The following ZFAND3 variants were observed in gnomAD, a reference collection of about 807,000 sequenced individuals.
ZFAND3 encodes AN1-type zinc finger protein 3.
ZFAND3 carries 10 observed loss-of-function variants against 29.6 expected under a neutral mutation model. That is an observed-to-expected ratio of 0.34 (90% CI 0.21 to 0.57). The LOEUF is 0.57. ZFAND3 is among the 20% of genes least tolerant of loss of function. ZFAND3 has a pLI of 0.86. For synonymous variants in ZFAND3, 128 were observed against 112.6 expected, an observed-to-expected ratio of 1.14 and a Z score of -0.87; for missense variants, 230 against 304.5, an observed-to-expected ratio of 0.76 and a Z score of 1.82.
At chr6:37,955,557 C>A (rs867930541) in intron 2 of ZFAND3, among the ~76,000 whole-genome samples, 3 of 152,156 alleles carry the variant, frequency 2.0e-5, no homozygotes, top group Non-Finnish European at 4.4e-5. Flanking sequence ...AGGAAGAGAA[C>A]GGTGGGTACA....
At chr6:37,891,002 C>CA (rs1382766953) in intron 1 of ZFAND3, among the ~76,000 whole-genome samples, 2 of 152,164 alleles carry the variant, frequency 1.3e-5, no homozygotes, top group Non-Finnish European at 2.9e-5. Flanking sequence ...TCAAAATAGT[C>CA]AAAGCGTTAT....
chr6:37,950,255 TC>T (rs35397179), intron 2 of ZFAND3, among the ~76,000 whole-genome samples: 58,407 of 152,000 alleles, frequency 0.38, 11,981 homozygotes, highest in Non-Finnish European at 0.47. Context: ...AAGTCTTTAA[TC>T]CATCTTGAGT....
intron 5 of ZFAND3, among the ~76,000 whole-genome samples, chr6:38,130,312 T>C (rs1394623457): frequency 6.6e-6 from 1 of 152,194 alleles, no homozygotes; most frequent in Non-Finnish European, 1.5e-5. Context: ...TTTCTTTCTC[T>C]TGTCTGATTG....
At chr6:37,988,944 A>T (rs1247348432) in intron 2 of ZFAND3, among the ~76,000 whole-genome samples, 2 of 151,720 alleles carry the variant, frequency 1.3e-5, no homozygotes, top group African/African-American at 4.9e-5. Context: ...TTGCTCTGTC[A>T]CCCAGGCTGG....
chr6:38,045,640 C>T (rs1212440712), intron 2 of ZFAND3, among the ~76,000 whole-genome samples: 2 of 151,892 alleles, frequency 1.3e-5, no homozygotes, highest in African/African-American at 4.8e-5. Context: ...ATGAAATCTC[C>T]CACATAAAAT....
intron 2 of ZFAND3, among the ~76,000 whole-genome samples, chr6:37,947,942 G>C (rs1761930962): frequency 6.6e-6 from 1 of 151,680 alleles, no homozygotes; most frequent in African/African-American, 2.4e-5. Flanking sequence ...AGATCTTTCT[G>C]TTACTTCTAT....
intron 1 of ZFAND3, among the ~76,000 whole-genome samples, chr6:37,832,330 G>A (rs1763877824): frequency 6.6e-6 from 1 of 152,182 alleles, no homozygotes; most frequent in African/African-American, 2.4e-5. Context: ...CAGGATGGAA[G>A]ATGATGTCAG....
chr6:37,954,272 A>G (rs1422817566), intron 2 of ZFAND3, among the ~76,000 whole-genome samples: 1 of 152,154 alleles, frequency 6.6e-6, no homozygotes, highest in Non-Finnish European at 1.5e-5. Flanking sequence ...CATTAAATAG[A>G]AAACCTTTTT....
chr6:37,940,102 A>G (rs1761785749), intron 2 of ZFAND3, among the ~76,000 whole-genome samples: 1 of 152,108 alleles, frequency 6.6e-6, no homozygotes, highest in Admixed American at 6.5e-5. Flanking sequence ...TCATATCCTC[A>G]GTAGACTAAT....
Position 38,116,944 on chromosome 6 carries a change from A to G in ZFAND3, c.529+205A>G, listed in dbSNP as rs138311887. 3.3e-5 allele frequency among the ~76,000 whole-genome samples: 5 copies of G among 152,284 alleles called. No individual in the cohort carries two copies. In the East Asian group the frequency reaches 7.7e-4, roughly 24 times the overall value. On this transcript the variant is annotated intron_variant, in intron 5 of 5. Coordinates refer to ENST00000287218, the MANE Select transcript of ZFAND3 (RefSeq NM_021943.3). Reference sequence around the variant, plus strand: ...AACACCCTTTATTCTCACACATGCAAAAAAGACAAAAACATCCCCATGTTC... The same window carrying G: ...AACACCCTTTATTCTCACACATGCAGAAAAGACAAAAACATCCCCATGTTC...
intron 1 of ZFAND3, among the ~76,000 whole-genome samples, chr6:37,925,086 A>T (rs548760976): frequency 8.0e-4 from 121 of 152,012 alleles, no homozygotes; most frequent in African/African-American, 1.9e-3. Context: ...TTTTTTTTTT[A>T]AAAACTTTCT....
At chr6:38,060,524 C>G (rs1177758199) in intron 2 of ZFAND3, among the ~76,000 whole-genome samples, 1 of 151,118 alleles carries the variant, frequency 6.6e-6, no homozygotes, top group Admixed American at 6.6e-5. Flanking sequence ...CTGCCCTTTC[C>G]CCTTCCCTTT....
At chr6:37,984,162 G>T (rs1164591109) in intron 2 of ZFAND3, among the ~76,000 whole-genome samples, 1 of 152,146 alleles carries the variant, frequency 6.6e-6, no homozygotes, top group Non-Finnish European at 1.5e-5. Context: ...TCCATAATGT[G>T]TCTTATATTT....
chr6:38,077,105 G>C (rs961213532), intron 3 of ZFAND3, among the ~76,000 whole-genome samples: 1 of 148,654 alleles, frequency 6.7e-6, no homozygotes, highest in Non-Finnish European at 1.5e-5. Flanking sequence ...ATTTTTTGAG[G>C]TTTATTTTGT....
In ZFAND3 at chr6:37,989,376, T is replaced by C. The variant is rs188121057; in HGVS notation, c.112+59377T>C. 3.1e-3 allele frequency among the ~76,000 whole-genome samples: 469 copies of C among 152,316 alleles called. 2 individuals are homozygous for C. Among genetic ancestry groups the C allele is most frequent in the African/African-American group, 0.011 (446 of 41,560 alleles). ...GGGAAGTCCAAGATTACATGCTGGC[T>C]ATTGTTGGGTTCCTGGTGAAGACCC... is the stretch of plus-strand genomic sequence containing the variant. On this transcript the variant is annotated intron_variant, in intron 2 of 5. Coordinates refer to ENST00000287218, the MANE Select transcript of ZFAND3 (RefSeq NM_021943.3).
chr6:38,004,144 T>C (rs1419515417), intron 2 of ZFAND3, among the ~76,000 whole-genome samples: 1 of 151,942 alleles, frequency 6.6e-6, no homozygotes, highest in Non-Finnish European at 1.5e-5. Flanking sequence ...TGACATGGGG[T>C]TTAGTGTAGA....
intron 3 of ZFAND3, among the ~76,000 whole-genome samples, chr6:38,081,789 G>A (rs1292251838): frequency 6.6e-6 from 1 of 151,562 alleles, no homozygotes; most frequent in African/African-American, 2.4e-5. Flanking sequence ...TCAGATCTCT[G>A]GGCCCACCAA....
At chr6:38,001,221 G>A (rs547202313) in intron 2 of ZFAND3, among the ~76,000 whole-genome samples, 3 of 152,272 alleles carry the variant, frequency 2.0e-5, no homozygotes, top group Non-Finnish European at 2.9e-5. Context: ...CTCTTGACCT[G>A]GAGTAGGACA....
At chr6:38,081,503 C>G (rs1178479611) in intron 3 of ZFAND3, among the ~76,000 whole-genome samples, 2 of 152,128 alleles carry the variant, frequency 1.3e-5, no homozygotes, top group Non-Finnish European at 2.9e-5. Flanking sequence ...AGGAGATACA[C>G]AACTCTGCCA....
Sources: allele counts gnomAD v4.1 joint callset (sites outside exome capture counted in the v4.1 genomes callset), GRCh38; gene constraint gnomAD v4.1.1; transcripts MANE v1.5; gene names NCBI Gene and HGNC (gene_info 2026-07-23, HGNC 2026-07-21).